ANO3: variants seen among roughly 807,000 people sequenced by gnomAD.
ANO3 encodes anoctamin-3.
Under a neutral mutation model 144.8 loss-of-function variants are expected in ANO3, and 99 were observed. That is an observed-to-expected ratio of 0.68 (90% CI 0.58 to 0.81). ANO3 has a LOEUF of 0.81. ANO3 is among the 30% of genes least tolerant of loss of function. The pLI, the probability that ANO3 is intolerant of heterozygous loss-of-function variation, is 0.00. For missense variants in ANO3, 905 were observed against 1,202.2 expected (o/e 0.75, Z 3.66); for synonymous variants, 414 against 392.6 (o/e 1.05, Z -0.64).
intron 17 of ANO3, among the ~76,000 whole-genome samples, chr11:26,605,956 A>G (rs1851924011): frequency 6.6e-6 from 1 of 150,800 alleles, no homozygotes; most frequent in African/African-American, 2.4e-5. Context: ...CTCTGATTTT[A>G]GTTATTTCTT....
At position 26,634,191 on chromosome 11, in the gene ANO3, G is replaced by C. The variant is rs1852877225; in HGVS notation, c.1874-13G>C. 4 of 1,587,486 alleles carry C rather than the reference G, an allele frequency of 2.5e-6. No homozygotes were observed. In the East Asian group the frequency reaches 6.7e-5, roughly 27 times the overall value. On this transcript the variant is annotated splice_polypyrimidine_tract_variant and intron_variant, in intron 18 of 26. Transcript: ENST00000256737. ...CACCTCACCTGTGTCAATGCAACCT[G>C]TGTTCCTTTTAGAATATCCTCGAAC...
intron 1 of ANO3, among the ~76,000 whole-genome samples, chr11:26,441,111 T>TG (rs1858495462): frequency 9.7e-6 from 1 of 103,062 alleles, no homozygotes; most frequent in Non-Finnish European, 2.1e-5. Context: ...GCCCAGTTTT[T>TG]TTTTTTTTTT....
chr11:26,565,493 C>A (rs1364678454), intron 14 of ANO3: 1 of 1,613,290 alleles, frequency 6.2e-7, no homozygotes, highest in Admixed American at 1.7e-5. Context: ...TAGGTGCATT[C>A]CAAGGCACTT....
chr11:26,644,815 T>TCACACACACACACACACA (rs71449132), intron 23 of ANO3, among the ~76,000 whole-genome samples: 1 of 145,300 alleles, frequency 6.9e-6, no homozygotes, highest in East Asian at 2.1e-4. Context: ...GGAATACTAA[T>TCACACACACACACACACA]CACACACACA....
chr11:26,398,621 T>C (rs1241575475), intron 1 of ANO3, among the ~76,000 whole-genome samples: 4 of 152,086 alleles, frequency 2.6e-5, no homozygotes, highest in Non-Finnish European at 4.4e-5. Flanking sequence ...ATGCCTATTT[T>C]AGGACTAAGT....
intron 1 of ANO3, among the ~76,000 whole-genome samples, chr11:26,312,975 A>G (rs1230775638): frequency 6.6e-6 from 1 of 152,208 alleles, no homozygotes; most frequent in Non-Finnish European, 1.5e-5. Context: ...TTCTGTTTAA[A>G]TGAATTCCAA....
chr11:26,301,909 T>A (rs1854242801), intron 1 of ANO3, among the ~76,000 whole-genome samples: 1 of 152,196 alleles, frequency 6.6e-6, no homozygotes. Context: ...CTAAGCCCCA[T>A]CACATAGATA....
At chr11:26,623,935 C>T (rs1852498852) in intron 17 of ANO3, among the ~76,000 whole-genome samples, 2 of 152,008 alleles carry the variant, frequency 1.3e-5, no homozygotes, top group African/African-American at 2.4e-5. Flanking sequence ...TACAGGCGCC[C>T]GCCAACGTGC....
At chr11:26,460,147 T>C (rs1470262065) in intron 3 of ANO3, 2 of 447,310 alleles carry the variant, frequency 4.5e-6, no homozygotes, top group Non-Finnish European at 9.0e-6. Flanking sequence ...GACAGTGATT[T>C]AAAACTATCT....
chr11:26,301,830 G>A (rs759095523), intron 1 of ANO3, among the ~76,000 whole-genome samples: 2 of 152,122 alleles, frequency 1.3e-5, no homozygotes, highest in Admixed American at 6.6e-5. Context: ...TGCCCCCATT[G>A]ATGTCATCTC....
chr11:26,332,165 T>C lies in ANO3; in HGVS notation c.-111T>C. ...GTGCCGGCTACAGCAGGTGTCGGATTGCAGTGCGCTCGCTGAGGCTCCGGA... is the reference window on the plus strand; with the variant it reads ...GTGCCGGCTACAGCAGGTGTCGGATCGCAGTGCGCTCGCTGAGGCTCCGGA... On this transcript the variant is annotated 5_prime_UTR_variant, in exon 1 of 27. Coordinates refer to ENST00000256737, the MANE Select transcript of ANO3 (RefSeq NM_031418.4). The C allele has an allele frequency of 6.3e-7, 1 of 1,595,752 alleles. No homozygotes were observed. The highest frequency in any genetic ancestry group is 8.5e-7 in the Non-Finnish European group (1 of 1,171,304).
chr11:26,211,633 C>T (rs1394247549), intron 1 of ANO3, among the ~76,000 whole-genome samples: 1 of 152,090 alleles, frequency 6.6e-6, no homozygotes, highest in African/African-American at 2.4e-5. Flanking sequence ...TTAGTTCAAC[C>T]ATTGTAGAAG....
intron 1 of ANO3, among the ~76,000 whole-genome samples, chr11:26,376,394 T>C (rs1221524510): frequency 3.3e-5 from 5 of 152,156 alleles, no homozygotes; most frequent in Admixed American, 6.5e-5. Context: ...GAACTTTACA[T>C]TTCACATTAT....
chr11:26,573,302 A>T (rs1850898360), intron 14 of ANO3, among the ~76,000 whole-genome samples: 1 of 152,186 alleles, frequency 6.6e-6, no homozygotes, highest in South Asian at 2.1e-4. Context: ...TCAGAGTTTG[A>T]TTAGAAATTA....
intron 1 of ANO3, among the ~76,000 whole-genome samples, chr11:26,303,566 G>A (rs1337222140): frequency 4.6e-5 from 7 of 152,092 alleles, no homozygotes; most frequent in Non-Finnish European, 8.8e-5. Flanking sequence ...AGGAAGGAAC[G>A]CATGGACTGA....
chr11:26,498,995 T>G (rs1346735176), intron 4 of ANO3, among the ~76,000 whole-genome samples: 1 of 151,946 alleles, frequency 6.6e-6, no homozygotes, highest in Non-Finnish European at 1.5e-5. Flanking sequence ...ACAAAACAAG[T>G]GACATTAACT....
chr11:26,599,113 C>T, intron 16 of ANO3, 115 bp downstream of exon 16: 1 of 1,121,570 alleles, frequency 8.9e-7, no homozygotes, highest in Non-Finnish European at 1.3e-6. Context: ...TTCTTTCCAA[C>T]AACTTGGTAA....
intron 1 of ANO3, among the ~76,000 whole-genome samples, chr11:26,402,557 A>T (rs892284843): frequency 2.0e-5 from 3 of 151,874 alleles, no homozygotes; most frequent in African/African-American, 7.2e-5. Flanking sequence ...GATTGCAAAA[A>T]TTTTCTCCCA....
chr11:26,643,202 A>G lies in ANO3; in HGVS notation c.2296A>G (p.Thr766Ala), dbSNP rs1853226957. The change falls in exon 23 of 27, where the codon ACC becomes GCC. Residue 766 changes from threonine (T) to alanine (A), a missense_variant. Thr to Ala is a moderately conservative substitution (Grantham distance 58). This residue lies in a region of ANO3 where 597 missense variants were observed against 865.1 expected (regional missense o/e 0.69). Coordinates refer to ENST00000256737, the MANE Select transcript of ANO3 (RefSeq NM_031418.4). ...TGCAGTTTTGCAATTTGGTTTTACC[A>G]CCATCTTTGTTGCGGCTTTTCCTCT... The part of the protein sequence containing the change: ...LEMVLQFGFT[T>A]IFVAAFPLAP... The G allele has an allele frequency of 8.7e-6, 14 of 1,614,042 alleles. No homozygotes were observed. Among genetic ancestry groups the G allele is most frequent in the Non-Finnish European group, 1.1e-5 (13 of 1,179,970 alleles).
Sources: gnomAD v4.1 joint callset for allele counts (sites outside exome capture counted in the v4.1 genomes callset) on GRCh38, gnomAD v4.1.1 for gene constraint, gnomAD v4.1.1 regional missense constraint, MANE v1.5 for transcripts, NCBI Gene and HGNC (gene_info 2026-07-23, HGNC 2026-07-21) for gene names.